Variants in GLMN observed in about 807,000 individuals in gnomAD.
GLMN encodes the protein glomulin.
Under a neutral mutation model 87.8 loss-of-function variants are expected in GLMN, and 75 were observed. The observed-to-expected ratio is 0.85, with a 90% CI of 0.71 to 1.04. The LOEUF (loss-of-function observed/expected upper bound fraction) is 1.04, where lower values mean the gene tolerates loss of function less well. GLMN is among the 50% of genes least tolerant of loss of function. The probability of loss-of-function intolerance (pLI) is 0.00; values close to 1 mark genes in which losing one functional copy is unlikely to be tolerated. For missense variants in GLMN, 588 were observed against 658.8 expected, an observed-to-expected ratio of 0.89 and a Z score of 1.18; for synonymous variants, 206 against 221.6, an observed-to-expected ratio of 0.93 and a Z score of 0.63.
the GLMN span, among the ~76,000 whole-genome samples, chr1:92,365,532 C>T: frequency 6.6e-6 from 1 of 152,172 alleles, no homozygotes; most frequent in East Asian, 1.9e-4. Flanking sequence ...AATTCTAGTG[C>T]ACATTGGTGT....
At chr1:92,261,935 G>T (rs1342907744) in intron 16 of GLMN, among the ~76,000 whole-genome samples, 2 of 151,798 alleles carry the variant, frequency 1.3e-5, no homozygotes, top group African/African-American at 4.8e-5. Context: ...TTTCAACTTT[G>T]CTGTACATTT....
chr1:92,323,494 T>C, the GLMN span: 4 of 1,613,334 alleles, frequency 2.5e-6, no homozygotes, highest in Non-Finnish European at 2.5e-6. Context: ...CATTAAAACA[T>C]CAGATATCGA....
chr1:92,334,339 C>A, the GLMN span, among the ~76,000 whole-genome samples: 5 of 151,544 alleles, frequency 3.3e-5, no homozygotes, highest in Non-Finnish European at 5.9e-5. Flanking sequence ...TTTATTTGAA[C>A]CAACCAATTG....
chr1:92,269,719 T>C lies in GLMN; in HGVS notation c.977+4A>G. On this transcript the variant is annotated splice_donor_region_variant and intron_variant, in intron 9 of 18. Coordinates refer to ENST00000370360, the MANE Select transcript of GLMN (RefSeq NM_053274.3). ...ATTTTGAGATACCATCTAAACGATC[T>C]TACCTTTGCAAAAAGACTTCAATGT... 2 of 1,599,674 alleles carry C rather than the reference T, an allele frequency of 1.3e-6. No homozygotes were observed. Among genetic ancestry groups the C allele is most frequent in the Non-Finnish European group, 1.7e-6 (2 of 1,167,024 alleles).
At chr1:92,345,379 TAAA>T in the GLMN span, among the ~76,000 whole-genome samples, 3,387 of 73,690 alleles carry the variant, frequency 0.046, 135 homozygotes, top group African/African-American at 0.14. Flanking sequence ...CCCGTTTCTT[TAAA>T]AAAAAAAAAA....
At chr1:92,285,064 C>T (rs1253419163) in intron 7 of GLMN, among the ~76,000 whole-genome samples, 2 of 152,108 alleles carry the variant, frequency 1.3e-5, no homozygotes, top group Admixed American at 1.3e-4. Flanking sequence ...GGCGATTCCT[C>T]AAGGATCTAG....
intron 16 of GLMN, among the ~76,000 whole-genome samples, chr1:92,248,996 A>T (rs189341049): frequency 7.2e-4 from 110 of 152,238 alleles, no homozygotes; most frequent in African/African-American, 2.6e-3. Flanking sequence ...GATGTTTTTT[A>T]AAAATGTTTA....
chr1:92,364,533 A>G, the GLMN span, among the ~76,000 whole-genome samples: 6 of 151,986 alleles, frequency 3.9e-5, no homozygotes, highest in African/African-American at 1.2e-4. Context: ...CTTCATTTGG[A>G]TATCTCCCAA....
the GLMN span, among the ~76,000 whole-genome samples, chr1:92,345,461 G>C: frequency 6.7e-6 from 1 of 149,030 alleles, no homozygotes; most frequent in African/African-American, 2.5e-5. Context: ...GGGACAGAGG[G>C]AGGGAGGGAA....
At chr1:92,265,331 A>AC (rs955052604) in intron 13 of GLMN, among the ~76,000 whole-genome samples, 8 of 117,196 alleles carry the variant, frequency 6.8e-5, no homozygotes, top group South Asian at 4.2e-4. Flanking sequence ...TGCAAAAAAA[A>AC]AAAAAAAACT....
chr1:92,254,078 C>G (rs2100808411), intron 16 of GLMN, among the ~76,000 whole-genome samples: 1 of 152,236 alleles, frequency 6.6e-6, no homozygotes, highest in Non-Finnish European at 1.5e-5. Context: ...CATAAATGAC[C>G]TGATGGAGCT....
chr1:92,311,073 CTG>C, the GLMN span, among the ~76,000 whole-genome samples: 3 of 152,174 alleles, frequency 2.0e-5, no homozygotes, highest in African/African-American at 7.2e-5. Context: ...ATTTTCTACT[CTG>C]TTGCTTTTTT....
the GLMN span, among the ~76,000 whole-genome samples, chr1:92,348,843 T>G: frequency 6.6e-6 from 1 of 152,238 alleles, no homozygotes; most frequent in African/African-American, 2.4e-5. Flanking sequence ...CCTTACAGTT[T>G]TCACAATTAC....
At chr1:92,283,680 G>A (rs1474743930) in intron 7 of GLMN, among the ~76,000 whole-genome samples, 1 of 152,132 alleles carries the variant, frequency 6.6e-6, no homozygotes, top group Non-Finnish European at 1.5e-5. Flanking sequence ...AAGTCAAATT[G>A]TCTCTGTTTG....
chr1:92,266,834 A>C, intron 11 of GLMN, 93 bp from the exon 12 acceptor site: 1 of 800,622 alleles, frequency 1.2e-6, no homozygotes, highest in Admixed American at 2.2e-5. Flanking sequence ...CTAAAAATTC[A>C]GAGAAGTGAG....
chr1:92,300,277 ACTTAT>A, upstream of GLMN: 2 of 1,509,362 alleles, frequency 1.3e-6, no homozygotes, highest in Non-Finnish European at 1.8e-6. Context: ...TGGCATATCT[ACTTAT>A]CTTGTATTAC....
chr1:92,318,556 A>G, the GLMN span, among the ~76,000 whole-genome samples: 2 of 152,134 alleles, frequency 1.3e-5, no homozygotes, highest in Non-Finnish European at 2.9e-5. Flanking sequence ...ACCACCAACC[A>G]TAGTAGATAG....
the GLMN span, among the ~76,000 whole-genome samples, chr1:92,349,720 G>T: frequency 3.6e-3 from 552 of 152,196 alleles, 2 homozygotes; most frequent in African/African-American, 0.013. Context: ...TTGAGCCCAG[G>T]AGTTGAAGAC....
the GLMN span, among the ~76,000 whole-genome samples, chr1:92,307,566 T>C: frequency 6.6e-6 from 1 of 152,186 alleles, no homozygotes; most frequent in Non-Finnish European, 1.5e-5. Context: ...CCTGTTAATA[T>C]AATAATCCTG....
Sources: allele counts gnomAD v4.1 joint callset (sites outside exome capture counted in the v4.1 genomes callset), GRCh38; gene constraint gnomAD v4.1.1; transcripts MANE v1.5; gene names NCBI Gene and HGNC (gene_info 2026-07-23, HGNC 2026-07-21).